The following SH3YL1 variants were observed in gnomAD, a reference collection of about 807,000 sequenced individuals.
The protein encoded by SH3YL1 is SH3 and SYLF domain containing 1.
Under a neutral mutation model 45.8 loss-of-function variants are expected in SH3YL1, and 41 were observed. That is an observed-to-expected ratio of 0.89 (90% confidence interval 0.70 to 1.16). SH3YL1 has a LOEUF of 1.16. SH3YL1 is among the 50% of genes most tolerant of loss of function. The pLI, the probability that SH3YL1 is intolerant of heterozygous loss-of-function variation, is 0.00. For synonymous variants in SH3YL1, 152 were observed against 151.4 expected (o/e 1.00, Z -0.03); for missense variants, 389 against 409.6 (o/e 0.95, Z 0.43).
intron 4 of SH3YL1, chr2:241,642 G>A (rs889864536): frequency 1.3e-5 from 2 of 152,144 alleles, no homozygotes; most frequent in South Asian, 4.2e-4. Flanking sequence ...ATCTGGAAAG[G>A]AGCAAGAGAA....
chr2:253,185 C>T, intron 1 of SH3YL1, 70 bp from the exon 2 acceptor site: 1 of 870,042 alleles, frequency 1.1e-6, no homozygotes, highest in Non-Finnish European at 1.8e-6. Context: ...ATTATTATTT[C>T]ATTCTTCTCA....
intron 9 of SH3YL1, among the ~76,000 whole-genome samples, chr2:221,610 AC>A (rs1341845869): frequency 1.3e-5 from 2 of 152,110 alleles, no homozygotes; most frequent in African/African-American, 4.8e-5. Flanking sequence ...AGGGAAGGCC[AC>A]CACTGAAGGT....
At chr2:259,968 A>G (rs889650734) in intron 1 of SH3YL1, 1 of 152,106 alleles carries the variant, frequency 6.6e-6, no homozygotes, top group Non-Finnish European at 1.5e-5. Flanking sequence ...CTATATTTCT[A>G]TATTTTTACA....
At chr2:224,591 T>G (rs1667714305) in intron 9 of SH3YL1, among the ~76,000 whole-genome samples, 1 of 151,602 alleles carries the variant, frequency 6.6e-6, no homozygotes, top group African/African-American at 2.4e-5. Context: ...TTAGCTCCTA[T>G]CCGGGGCTTA....
intron 8 of SH3YL1, 131 bp from the exon 9 acceptor site, chr2:225,051 T>C (rs1667737288): frequency 1.4e-6 from 1 of 719,348 alleles, no homozygotes; most frequent in South Asian, 1.7e-5. Flanking sequence ...ATCATCATCA[T>C]TTGATTGCGC....
chr2:247,265 G>A (rs1205645732), intron 4 of SH3YL1, among the ~76,000 whole-genome samples: 2 of 152,214 alleles, frequency 1.3e-5, no homozygotes, highest in African/African-American at 4.8e-5. Flanking sequence ...CTGGCCAGGT[G>A]TTGGGATGTG....
rs73911041 is a variant in SH3YL1, at chr2:236,559, C to T, written c.292-2287G>A. ...CTTTTGCATGCTGTGCGACCTTGGG[C>T]AAATCACTGAGCTGCTGAAAGCTGC... is the stretch of plus-strand genomic sequence containing the variant. On this transcript the variant is annotated intron_variant, in intron 4 of 9. Coordinates refer to ENST00000356150, the MANE Select transcript of SH3YL1 (RefSeq NM_015677.4). 2.8e-3 allele frequency among the ~76,000 whole-genome samples: 424 copies of T among 152,228 alleles called. 2 individuals carry two copies. Among genetic ancestry groups the T allele is most frequent in the African/African-American group, 9.7e-3 (403 of 41,518 alleles).
chr2:257,112 T>A (rs1051482610), intron 1 of SH3YL1, among the ~76,000 whole-genome samples: 2 of 152,204 alleles, frequency 1.3e-5, no homozygotes, highest in African/African-American at 4.8e-5. Context: ...TTTGTTTAAA[T>A]TTCTTATAGA....
At chr2:221,574 C>G (rs983611605) in intron 9 of SH3YL1, among the ~76,000 whole-genome samples, 1 of 152,086 alleles carries the variant, frequency 6.6e-6, no homozygotes, top group Non-Finnish European at 1.5e-5. Flanking sequence ...AGAGGAGCAA[C>G]GTGGGTGGTT....
Position 219,012 on chromosome 2 carries a change from A to G in SH3YL1, c.839-11T>C. The G allele has an allele frequency of 6.3e-7, 1 of 1,599,434 alleles. No individual in the cohort carries two copies. Among genetic ancestry groups the G allele is most frequent in the Non-Finnish European group, 8.5e-7 (1 of 1,173,118 alleles). On this transcript the variant is annotated splice_polypyrimidine_tract_variant and intron_variant, in intron 9 of 9. Transcript: ENST00000356150. ...GTTGATTCAAATTGCCTGAAACAAG[A>G]AAAAAGTATTCACGTTTATGTTCTT...
At chr2:233,751 A>G (rs1284813718) in intron 5 of SH3YL1, among the ~76,000 whole-genome samples, 1 of 152,178 alleles carries the variant, frequency 6.6e-6, no homozygotes, top group Admixed American at 6.5e-5. Context: ...ATACACTTTA[A>G]GTACTGTAAA....
intron 4 of SH3YL1, among the ~76,000 whole-genome samples, chr2:236,934 C>G (rs1261547296): frequency 6.6e-6 from 1 of 152,160 alleles, no homozygotes; most frequent in African/African-American, 2.4e-5. Context: ...AGAGAGCTGA[C>G]CCACACAAGA....
At chr2:248,698 GCAGGGACTTTCT>G (rs1435048107) in intron 3 of SH3YL1, among the ~76,000 whole-genome samples, 2 of 152,196 alleles carry the variant, frequency 1.3e-5, no homozygotes, top group African/African-American at 4.8e-5. Flanking sequence ...CCTGAGACAT[GCAGGGACTTTCT>G]CACAGACTCT....
chr2:259,577 G>A (rs1408404279), intron 1 of SH3YL1: 3 of 151,706 alleles, frequency 2.0e-5, no homozygotes, highest in Non-Finnish European at 4.4e-5. Flanking sequence ...TGTAATAGGA[G>A]AACAATGACA....
Position 233,181 on chromosome 2 carries a change from C to T in SH3YL1, c.453G>A (p.Thr151=), listed in dbSNP as rs753038620. The part of the protein sequence containing the change: ...VALRSSAAVF[T]YCKSRGLFAG... ...CAAAGAGTCCCCTTGACTTGCAGTA[C>T]GTGAAGACGGCAGCGGAGCTTCTCA... Residue 151 remains threonine, a synonymous_variant, in exon 6 of 10, where the codon ACG becomes ACA. Transcript: ENST00000356150. 44 of 1,595,202 alleles carry T rather than the reference C, an allele frequency of 2.8e-5. No individual in the cohort carries two copies. The highest frequency in any genetic ancestry group is 1.9e-4 in the Admixed American group (11 of 57,616).
intron 6 of SH3YL1, among the ~76,000 whole-genome samples, chr2:232,418 G>A (rs1668088263): frequency 6.8e-6 from 1 of 147,890 alleles, no homozygotes; most frequent in African/African-American, 2.5e-5. Flanking sequence ...ATCCAACTAA[G>A]AGTATTACTA....
intron 8 of SH3YL1, among the ~76,000 whole-genome samples, chr2:229,272 A>G (rs796603789): frequency 1.7e-4 from 26 of 152,346 alleles, no homozygotes; most frequent in African/African-American, 5.8e-4. Flanking sequence ...TCCAAAGAAC[A>G]TATGTCAAAA....
intron 4 of SH3YL1, among the ~76,000 whole-genome samples, chr2:247,248 A>G (rs1176781290): frequency 2.6e-5 from 4 of 152,224 alleles, no homozygotes; most frequent in African/African-American, 2.4e-5. Context: ...TAAACTGCCA[A>G]TGACAGCTGG....
At chr2:246,855 T>A (rs1275539911) in intron 4 of SH3YL1, among the ~76,000 whole-genome samples, 2 of 152,076 alleles carry the variant, frequency 1.3e-5, no homozygotes, top group Non-Finnish European at 2.9e-5. Flanking sequence ...CTGAGGGAAT[T>A]TACAACTATG....
Sources: allele counts gnomAD v4.1 joint callset (sites outside exome capture counted in the v4.1 genomes callset), GRCh38; gene constraint gnomAD v4.1.1; transcripts MANE v1.5; gene names NCBI Gene and HGNC (gene_info 2026-07-23, HGNC 2026-07-21).